Variants in ZFAND3 observed in about 807,000 individuals in gnomAD.
ZFAND3 encodes AN1-type zinc finger protein 3.
ZFAND3 carries 10 observed loss-of-function variants against 29.6 expected under a neutral mutation model. The observed-to-expected ratio is 0.34, with a 90% CI of 0.21 to 0.57. The LOEUF is 0.57. ZFAND3 is among the 20% of genes least tolerant of loss of function. The pLI is 0.86. For synonymous variants in ZFAND3, 128 were observed against 112.6 expected, an observed-to-expected ratio of 1.14 and a Z score of -0.87; for missense variants, 230 against 304.5, an observed-to-expected ratio of 0.76 and a Z score of 1.82.
chr6:37,933,278 A>G, intron 2 of ZFAND3, among the ~76,000 whole-genome samples: 1 of 152,228 alleles, frequency 6.6e-6, no homozygotes, highest in East Asian at 1.9e-4. Flanking sequence ...ATGTGGTGAA[A>G]AAATTAGTTT....
At chr6:38,094,989 G>A (rs896885995) in intron 4 of ZFAND3, among the ~76,000 whole-genome samples, 1 of 152,102 alleles carries the variant, frequency 6.6e-6, no homozygotes, top group African/African-American at 2.4e-5. Flanking sequence ...TTTCAGATTT[G>A]AGGATTAGGG....
chr6:37,893,070 C>T (rs1388051579), intron 1 of ZFAND3, among the ~76,000 whole-genome samples: 1 of 152,146 alleles, frequency 6.6e-6, no homozygotes, highest in African/African-American at 2.4e-5. Context: ...TGCACACACA[C>T]ACGTTTAGGA....
chr6:38,087,480 A>G (rs1764779126), intron 4 of ZFAND3, among the ~76,000 whole-genome samples: 1 of 152,220 alleles, frequency 6.6e-6, no homozygotes, highest in Non-Finnish European at 1.5e-5. Flanking sequence ...AGGAGCTCCA[A>G]CAACTAAATA....
rs372783897 is a variant in ZFAND3 at position 37,872,946 on chromosome 6, A to G, written c.71+52930A>G. ...ACTTAATTGTTTCATTGCATTAACA[A>G]ACATTGAGTTTTTAGCTTTTAGAAA... On this transcript the variant is annotated intron_variant, in intron 1 of 5. Transcript: ENST00000287218. 1.1e-3 allele frequency among the ~76,000 whole-genome samples: 172 copies of G among 152,386 alleles called. 7 individuals are homozygous for G. In the South Asian group the frequency reaches 0.034, roughly 30 times the overall value.
At chr6:37,895,281 G>C (rs972188717) in intron 1 of ZFAND3, among the ~76,000 whole-genome samples, 3 of 151,400 alleles carry the variant, frequency 2.0e-5, no homozygotes, top group Non-Finnish European at 4.4e-5. Flanking sequence ...ATTTCATCCA[G>C]TGTTTTTATC....
intron 1 of ZFAND3, among the ~76,000 whole-genome samples, chr6:37,860,178 G>GT (rs34072361): frequency 0.11 from 13,444 of 122,722 alleles, 780 homozygotes; most frequent in Middle Eastern, 0.17. Flanking sequence ...GCCAAAAAGA[G>GT]TTTTTTTTTT....
chr6:38,034,655 T>A (rs1342943302), intron 2 of ZFAND3, among the ~76,000 whole-genome samples: 1 of 152,178 alleles, frequency 6.6e-6, no homozygotes, highest in Admixed American at 6.5e-5. Flanking sequence ...GAAAAAAAGA[T>A]TCTTTGTCAA....
At chr6:37,823,222 AGC>A (rs1225008277) in intron 1 of ZFAND3, among the ~76,000 whole-genome samples, 1 of 152,132 alleles carries the variant, frequency 6.6e-6, no homozygotes, top group Non-Finnish European at 1.5e-5. Flanking sequence ...GGGAGAATAG[AGC>A]GAAGTACATA....
intron 5 of ZFAND3, among the ~76,000 whole-genome samples, chr6:38,144,194 T>TATA (rs1766032673): frequency 3.1e-5 from 1 of 32,276 alleles, no homozygotes; most frequent in African/African-American, 1.4e-4. Context: ...AATATATATA[T>TATA]ATATATATAT....
chr6:37,837,970 G>A (rs972876325), intron 1 of ZFAND3, among the ~76,000 whole-genome samples: 2 of 152,104 alleles, frequency 1.3e-5, no homozygotes, highest in Non-Finnish European at 2.9e-5. Flanking sequence ...TATCCCTGGA[G>A]GCCTTCGAGG....
At chr6:38,049,373 T>G (rs1763974791) in intron 2 of ZFAND3, among the ~76,000 whole-genome samples, 1 of 152,158 alleles carries the variant, frequency 6.6e-6, no homozygotes, top group Admixed American at 6.5e-5. Context: ...CAAAATAACT[T>G]TATTAGGTAG....
chr6:38,046,229 A>G (rs34406273), intron 2 of ZFAND3, among the ~76,000 whole-genome samples: 12,097 of 152,284 alleles, frequency 0.079, 600 homozygotes, highest in African/African-American at 0.14. Flanking sequence ...AAGACTTCCT[A>G]TTGAGCTGCA....
chr6:38,115,271 C>T (rs180756089), intron 4 of ZFAND3, among the ~76,000 whole-genome samples: 1 of 152,072 alleles, frequency 6.6e-6, no homozygotes, highest in Admixed American at 6.6e-5. Context: ...TACAAAGTAC[C>T]ACAGGTAGGA....
intron 2 of ZFAND3, among the ~76,000 whole-genome samples, chr6:38,037,505 C>T (rs1359437546): frequency 6.6e-6 from 1 of 152,188 alleles, no homozygotes; most frequent in Non-Finnish European, 1.5e-5. Flanking sequence ...AAAATTTTTC[C>T]ATGACTCGGA....
chr6:37,980,361 C>G (rs1197294091), intron 2 of ZFAND3, among the ~76,000 whole-genome samples: 1 of 152,138 alleles, frequency 6.6e-6, no homozygotes, highest in African/African-American at 2.4e-5. Context: ...AAAGATTTCC[C>G]TATTTGGCCT....
intron 3 of ZFAND3, chr6:38,062,800 A>G (rs1764267513): frequency 6.6e-6 from 1 of 152,098 alleles, no homozygotes; most frequent in Non-Finnish European, 1.5e-5. Context: ...GTTGAAAATT[A>G]TAGGGATATT....
intron 2 of ZFAND3, among the ~76,000 whole-genome samples, chr6:38,025,402 T>G (rs1281818549): frequency 6.6e-6 from 1 of 152,204 alleles, no homozygotes; most frequent in Admixed American, 6.5e-5. Flanking sequence ...TTAAGTGGTA[T>G]TTAAATGGTA....
chr6:38,117,448 A>G (rs1182014625), intron 5 of ZFAND3, among the ~76,000 whole-genome samples: 2 of 152,134 alleles, frequency 1.3e-5, no homozygotes, highest in African/African-American at 4.8e-5. Context: ...CAGTGGAATG[A>G]AACTTAAGTC....
chr6:38,092,310 T>G (rs1337919681), intron 4 of ZFAND3, among the ~76,000 whole-genome samples: 1 of 152,228 alleles, frequency 6.6e-6, no homozygotes, highest in African/African-American at 2.4e-5. Flanking sequence ...TAGTAGATTC[T>G]GTAGGAACAT....
Sources: allele counts gnomAD v4.1 joint callset (sites outside exome capture counted in the v4.1 genomes callset), GRCh38; gene constraint gnomAD v4.1.1; transcripts MANE v1.5; gene names NCBI Gene and HGNC (gene_info 2026-07-23, HGNC 2026-07-21).